The following GRM1 variants were observed in gnomAD, a reference collection of about 807,000 sequenced individuals.
GRM1 encodes the protein glutamate metabotropic receptor 1.
Under a neutral mutation model 90.9 loss-of-function variants are expected in GRM1, and 33 were observed. The ratio of observed to expected loss-of-function variants is 0.36; its 90% confidence interval spans 0.28 to 0.49. The LOEUF (loss-of-function observed/expected upper bound fraction) is 0.49, where lower values mean the gene tolerates loss of function less well. GRM1 is among the 20% of genes least tolerant of loss of function. The pLI is 0.99. For synonymous variants in GRM1, 700 were observed against 613.2 expected (o/e 1.14, Z -2.09); for missense variants, 1,190 against 1,534.3 (o/e 0.78, Z 3.75).
At chr6:146,066,525 A>G (rs370690998) in intron 1 of GRM1, among the ~76,000 whole-genome samples, 50 of 152,220 alleles carry the variant, frequency 3.3e-4, no homozygotes, top group African/African-American at 1.1e-3. Context: ...ATATGGTTGC[A>G]TGTGTCTTTT....
intron 2 of GRM1, among the ~76,000 whole-genome samples, chr6:146,286,340 A>G (rs1392160485): frequency 6.6e-6 from 1 of 152,200 alleles, no homozygotes; most frequent in Admixed American, 6.5e-5. Flanking sequence ...TAAATTTATG[A>G]AATGATATTT....
intron 2 of GRM1, among the ~76,000 whole-genome samples, chr6:146,299,645 T>C (rs1277475335): frequency 6.6e-6 from 1 of 152,212 alleles, no homozygotes; most frequent in Non-Finnish European, 1.5e-5. Flanking sequence ...ATCATATTGG[T>C]TGATTATTCC....
At chr6:146,380,660 T>G (rs1776288343) in intron 5 of GRM1, among the ~76,000 whole-genome samples, 1 of 152,060 alleles carries the variant, frequency 6.6e-6, no homozygotes. Context: ...AAGCCCCTTT[T>G]TCTTTCCCCT....
intron 1 of GRM1, among the ~76,000 whole-genome samples, chr6:146,142,681 G>A: frequency 7.0e-6 from 1 of 142,540 alleles, no homozygotes; most frequent in East Asian, 2.5e-4. Flanking sequence ...CACCACCACA[G>A]GCCTGCAGAC....
intron 5 of GRM1, among the ~76,000 whole-genome samples, chr6:146,366,113 G>T (rs1775676263): frequency 6.6e-6 from 1 of 152,122 alleles, no homozygotes; most frequent in Non-Finnish European, 1.5e-5. Context: ...CTGACACATT[G>T]CATGTAGGCT....
At chr6:146,210,302 C>A (rs568702246) in intron 2 of GRM1, among the ~76,000 whole-genome samples, 3 of 152,090 alleles carry the variant, frequency 2.0e-5, no homozygotes, top group Admixed American at 6.6e-5. Context: ...TCTGTGAAAT[C>A]GGGATAATAA....
intron 1 of GRM1, among the ~76,000 whole-genome samples, chr6:146,138,246 G>C (rs2128882676): frequency 6.6e-6 from 1 of 152,074 alleles, no homozygotes; most frequent in African/African-American, 2.4e-5. Context: ...GATCTTAGGG[G>C]AAAAGCTTTC....
chr6:146,041,376 G>C (rs189030866), intron 1 of GRM1, among the ~76,000 whole-genome samples: 10 of 152,042 alleles, frequency 6.6e-5, no homozygotes. Flanking sequence ...TCCCTGTGTT[G>C]GTGTGGTCTG....
chr6:146,113,034 T>TG (rs1445871016), intron 1 of GRM1, among the ~76,000 whole-genome samples: 4 of 152,156 alleles, frequency 2.6e-5, no homozygotes, highest in African/African-American at 9.7e-5. Flanking sequence ...GCTCCATATT[T>TG]CCTTTCGACA....
chr6:146,207,150 AT>A, intron 2 of GRM1, among the ~76,000 whole-genome samples: 1 of 152,184 alleles, frequency 6.6e-6, no homozygotes, highest in East Asian at 1.9e-4. Context: ...ATGATTTACT[AT>A]TTATATTCCT....
intron 1 of GRM1, among the ~76,000 whole-genome samples, chr6:146,136,121 T>C (rs1020887961): frequency 2.6e-5 from 4 of 152,244 alleles, no homozygotes; most frequent in Non-Finnish European, 4.4e-5. Flanking sequence ...ATCATTCTTG[T>C]TATGGCTGAA....
At chr6:146,126,537 T>A (rs1307744081) in intron 1 of GRM1, among the ~76,000 whole-genome samples, 1 of 152,164 alleles carries the variant, frequency 6.6e-6, no homozygotes, top group Non-Finnish European at 1.5e-5. Flanking sequence ...AAAATATTCT[T>A]TGAACTAAAC....
intron 2 of GRM1, among the ~76,000 whole-genome samples, chr6:146,176,257 A>G (rs117459072): frequency 1.4e-4 from 21 of 152,212 alleles, no homozygotes; most frequent in Middle Eastern, 3.4e-3. Context: ...TTAACTGGCA[A>G]TAGTCAAGCA....
intron 1 of GRM1, among the ~76,000 whole-genome samples, chr6:146,111,166 A>G (rs1179993643): frequency 6.6e-6 from 1 of 152,160 alleles, no homozygotes; most frequent in Non-Finnish European, 1.5e-5. Context: ...TCTCAACAAA[A>G]TGGCTCCAGG....
At chr6:146,030,250 A>G (rs1562414606) in intron 1 of GRM1, 33 bp downstream of exon 1, 2 of 1,431,526 alleles carry the variant, frequency 1.4e-6, no homozygotes, top group Admixed American at 1.7e-5. Context: ...AAGGGTACTG[A>G]GAAAGTCAGG....
At chr6:146,188,361 G>T (rs1470688777) in intron 2 of GRM1, among the ~76,000 whole-genome samples, 1 of 152,032 alleles carries the variant, frequency 6.6e-6, no homozygotes, top group African/African-American at 2.4e-5. Context: ...ACCTCTTGTA[G>T]TAGCACTCAG....
chr6:146,131,232 G>C (rs1228481934), intron 1 of GRM1, among the ~76,000 whole-genome samples: 1 of 152,074 alleles, frequency 6.6e-6, no homozygotes, highest in East Asian at 1.9e-4. Context: ...TGTCTGTACT[G>C]TCCTAGAATG....
At chr6:146,322,579 A>C (rs142600146) in intron 3 of GRM1, among the ~76,000 whole-genome samples, 342 of 139,722 alleles carry the variant, frequency 2.4e-3, no homozygotes, top group African/African-American at 8.2e-3. Context: ...CCTTTCTTTT[A>C]TTTTATTTTA....
intron 1 of GRM1, among the ~76,000 whole-genome samples, chr6:146,120,388 G>A (rs548310333): frequency 3.5e-4 from 53 of 152,222 alleles, no homozygotes; most frequent in African/African-American, 1.1e-3. Flanking sequence ...TGCAAACAGG[G>A]ACAATTTGAC....
Sources: allele counts gnomAD v4.1 joint callset (sites outside exome capture counted in the v4.1 genomes callset), GRCh38; gene constraint gnomAD v4.1.1; transcripts MANE v1.5; gene names NCBI Gene and HGNC (gene_info 2026-07-23, HGNC 2026-07-21).